Variants in RPRD2 observed in about 807,000 individuals in gnomAD.
The protein encoded by RPRD2 is regulation of nuclear pre-mRNA domain containing 2, also known as regulation of nuclear pre-mRNA domain-containing protein 2.
In RPRD2, 12 loss-of-function variants were observed where a neutral mutation model predicts 104.4. The ratio of observed to expected loss-of-function variants is 0.11; its 90% confidence interval spans 0.07 to 0.19. The LOEUF (loss-of-function observed/expected upper bound fraction) is 0.19. RPRD2 is among the 10% of genes least tolerant of loss of function. RPRD2 has a pLI of 1.00. For synonymous variants in RPRD2, 714 were observed against 684.9 expected (o/e 1.04, Z -0.66); for missense variants, 1,543 against 1,790.1 (o/e 0.86, Z 2.49).
chr1:150,427,352 A>T (rs1665213755), intron 2 of RPRD2, among the ~76,000 whole-genome samples: 1 of 151,480 alleles, frequency 6.6e-6, no homozygotes, highest in Non-Finnish European at 1.5e-5. Flanking sequence ...GCGTGCCTGT[A>T]GTCCTAGCTA....
Position 150,457,299 on chromosome 1 carries a change from C to T in RPRD2, c.882C>T (p.Thr294=). Residue 294 remains threonine, a synonymous_variant, in exon 8 of 11, where the codon ACC becomes ACT. Transcript: ENST00000369068. ...TTTTTCTCTTTTAGGCATATAAAAC[C>T]TTTGCTAACCGAGTAAACAATTTAA... is the stretch of plus-strand genomic sequence containing the variant. The part of the protein sequence containing the change: ...EVKVVANAYK[T]FANRVNNLKK... The T allele has an allele frequency of 6.2e-7, 1 of 1,610,576 alleles. No homozygotes were observed. The highest frequency in any genetic ancestry group is 8.5e-7 in the Non-Finnish European group (1 of 1,176,948).
At chr1:150,464,264 C>G (rs1487636460) in intron 9 of RPRD2, among the ~76,000 whole-genome samples, 1 of 152,070 alleles carries the variant, frequency 6.6e-6, no homozygotes, top group East Asian at 1.9e-4. Flanking sequence ...CTGCCTCGGC[C>G]TCCCAAAGTG....
At chr1:150,442,359 A>G (rs1394209593) in intron 4 of RPRD2, among the ~76,000 whole-genome samples, 1 of 152,174 alleles carries the variant, frequency 6.6e-6, no homozygotes, top group Non-Finnish European at 1.5e-5. Context: ...TGTGGGAACC[A>G]TGAAATCTCC....
In RPRD2 at chr1:150,472,324, G is replaced by A. The variant is rs1225083481; in HGVS notation, c.3376G>A (p.Val1126Met). 6.2e-7 allele frequency: 1 copy of A among 1,613,958 alleles called. No individual in the cohort carries two copies. The highest frequency in any genetic ancestry group is 8.5e-7 in the Non-Finnish European group (1 of 1,179,882). ...NRGHGREASR[V>M]GWFDLSTSGS... ...AGGACATGGGCGTGAGGCTTCAAGGGTGGGTTGGTTTGATCTGAGCACATC... is the reference window on the plus strand; with the variant it reads ...AGGACATGGGCGTGAGGCTTCAAGGATGGGTTGGTTTGATCTGAGCACATC... Residue 1126 changes from valine (V) to methionine (M), a missense_variant, in exon 11 of 11, where the codon GTG (valine) becomes ATG (methionine). Transcript: ENST00000369068.
intron 2 of RPRD2, among the ~76,000 whole-genome samples, chr1:150,419,917 C>T (rs1415885450): frequency 3.9e-5 from 6 of 152,128 alleles, no homozygotes; most frequent in African/African-American, 9.7e-5. Flanking sequence ...AGTGAGCCAA[C>T]GCACCTGGCC....
chr1:150,430,320 CA>C (rs1389969783), intron 2 of RPRD2, among the ~76,000 whole-genome samples: 1 of 152,060 alleles, frequency 6.6e-6, no homozygotes, highest in African/African-American at 2.4e-5. Context: ...AGAGAATACG[CA>C]AGAATGTAGT....
intron 2 of RPRD2, among the ~76,000 whole-genome samples, chr1:150,431,566 C>T (rs781895047): frequency 2.1e-4 from 31 of 146,130 alleles, no homozygotes; most frequent in Non-Finnish European, 3.7e-4. Context: ...CTGCAACTTC[C>T]GCTTCCCGGG....
At position 150,472,352 on chromosome 1, in the gene RPRD2, G is replaced by A; in HGVS notation, c.3404G>A (p.Gly1135Asp). The change falls in exon 11 of 11, where the codon GGT becomes GAT. Residue 1135 changes from glycine to aspartate, a missense_variant. Transcript: ENST00000369068. ...GGTTGGTTTGATCTGAGCACATCAG[G>A]TAGCTCTTTTGACAATGGCCCTTCA... Reference protein sequence around the residue: ...RVGWFDLSTSGSSFDNGPSSA... With the variant: ...RVGWFDLSTSDSSFDNGPSSA... 2.5e-6 allele frequency: 4 copies of A among 1,614,002 alleles called. No individual in the cohort carries two copies. Among genetic ancestry groups the A allele is most frequent in the Non-Finnish European group, 2.5e-6 (3 of 1,179,892 alleles).
intron 7 of RPRD2, among the ~76,000 whole-genome samples, chr1:150,455,284 A>G (rs1282425363): frequency 6.6e-6 from 1 of 152,202 alleles, no homozygotes; most frequent in Non-Finnish European, 1.5e-5. Flanking sequence ...CAGGCTGATC[A>G]TGAGGTCAGC....
In RPRD2 at chr1:150,417,632, C is replaced by T; in HGVS notation, c.242C>T (p.Ala81Val). 6.3e-7 allele frequency: 1 copy of T among 1,597,438 alleles called. No homozygotes were observed. The highest frequency in any genetic ancestry group is 2.2e-5 in the East Asian group (1 of 44,530). Residue 81 changes from alanine to valine, a missense_variant, in exon 2 of 11, where the codon GCC becomes GTC. Physicochemically the swap from Ala to Val is moderately conservative, Grantham distance 64 (BLOSUM62 0). Coordinates refer to ENST00000369068, the MANE Select transcript of RPRD2 (RefSeq NM_015203.5). ...YPHRLNLFYLANDVIQNCKRK... is the reference protein window; with the variant it reads ...YPHRLNLFYLVNDVIQNCKRK... ...CACCGTTTGAATCTCTTTTACCTTG[C>T]CAATGATGTCATACAGAACTGTAAA...
At position 150,475,656 on chromosome 1, in the gene RPRD2, TATTA is replaced by T. The variant is rs762595746; in HGVS notation, c.*2326_*2329del. ...TGAGGATTTGTATGAGACTGTCAGC[TATTA>T]ATTTTAAGGAAATCTTAAAATTTAC... On this transcript the variant is annotated 3_prime_UTR_variant, in exon 11 of 11. Coordinates refer to ENST00000369068, the MANE Select transcript of RPRD2 (RefSeq NM_015203.5). 7.9e-5 allele frequency: 12 copies of T among 152,616 alleles called. No homozygotes were observed. The South Asian group carries it at 1.0e-3, about 13-fold the overall frequency. 9.5% of individuals were successfully genotyped at this position (152,616 alleles called of 1,614,324 possible).
At chr1:150,371,590 C>T (rs1275619175) in intron 1 of RPRD2, among the ~76,000 whole-genome samples, 3 of 152,140 alleles carry the variant, frequency 2.0e-5, no homozygotes, top group South Asian at 2.1e-4. Flanking sequence ...AGGATGGTCT[C>T]GATATCCTGA....
At chr1:150,436,183 T>G (rs1448591527) in intron 2 of RPRD2, among the ~76,000 whole-genome samples, 1 of 151,762 alleles carries the variant, frequency 6.6e-6, no homozygotes, top group African/African-American at 2.4e-5. Flanking sequence ...TCATTGACAA[T>G]GCACCCAGTC....
At position 150,365,398 on chromosome 1, in the gene RPRD2, G is replaced by A. The variant is rs138333805; in HGVS notation, c.205+479G>A. Among the ~76,000 whole-genome samples, 455 of 152,222 alleles carry A rather than the reference G, an allele frequency of 3.0e-3. 1 individual carries two copies. Among genetic ancestry groups the A allele is most frequent in the Non-Finnish European group, 4.3e-3 (292 of 68,022 alleles). On this transcript the variant is annotated intron_variant, in intron 1 of 10. Coordinates refer to ENST00000369068, the MANE Select transcript of RPRD2 (RefSeq NM_015203.5). ...TGAATGTATCTAAAACTTGTGATGT[G>A]TAGTAAGGAGAGCCTTACCTGGATG...
intron 1 of RPRD2, among the ~76,000 whole-genome samples, chr1:150,378,662 AAT>A (rs1161186946): frequency 6.6e-6 from 1 of 152,176 alleles, no homozygotes; most frequent in Non-Finnish European, 1.5e-5. Context: ...TGTTTTACAA[AAT>A]ATAGTTATTT....
intron 1 of RPRD2, among the ~76,000 whole-genome samples, chr1:150,402,618 G>A (rs1663127652): frequency 6.6e-6 from 1 of 152,064 alleles, no homozygotes; most frequent in South Asian, 2.1e-4. Context: ...TGAGGCTGCA[G>A]TGAAGTGTGA....
At chr1:150,407,766 T>C (rs897512380) in intron 1 of RPRD2, among the ~76,000 whole-genome samples, 1 of 152,242 alleles carries the variant, frequency 6.6e-6, no homozygotes, top group Admixed American at 6.5e-5. Context: ...AAAAAGATGT[T>C]GTTTTCTTCT....
chr1:150,386,064 T>G lies in RPRD2; in HGVS notation c.205+21145T>G, dbSNP rs181113642. ...AGAGAAGACATTAAGGTAAGAAAGA[T>G]AAATAAAGCTGATTTTGTATTATGC... is the stretch of plus-strand genomic sequence containing the variant. On this transcript the variant is annotated intron_variant, in intron 1 of 10. Transcript: ENST00000369068. Among the ~76,000 whole-genome samples the G allele has an allele frequency of 9.8e-5, 15 of 152,330 alleles. No individual in the cohort carries two copies. The East Asian group carries it at 2.9e-3, about 29-fold the overall frequency.
chr1:150,454,236 G>A (rs1193877202), intron 7 of RPRD2, among the ~76,000 whole-genome samples: 3 of 152,116 alleles, frequency 2.0e-5, no homozygotes, highest in Non-Finnish European at 1.5e-5. Flanking sequence ...ACTGTTAAAA[G>A]CTCTGCTTTT....
Sources: allele counts gnomAD v4.1 joint callset (sites outside exome capture counted in the v4.1 genomes callset), GRCh38; gene constraint gnomAD v4.1.1; transcripts MANE v1.5; gene names NCBI Gene and HGNC (gene_info 2026-07-23, HGNC 2026-07-21).